SLC5A10: variants seen among roughly 807,000 people sequenced by gnomAD.
The protein encoded by SLC5A10 is solute carrier family 5 member 10.
SLC5A10 carries 55 observed loss-of-function variants against 68.9 expected under a neutral mutation model. The ratio of observed to expected loss-of-function variants is 0.80; its 90% CI spans 0.64 to 1.00. The LOEUF is 1.00. SLC5A10 is among the 50% of genes least tolerant of loss of function. SLC5A10 has a pLI of 0.00. For synonymous variants in SLC5A10, 344 were observed against 344.8 expected (o/e 1.00, Z 0.02); for missense variants, 732 against 819.3 (o/e 0.89, Z 1.30).
At chr17:18,988,264 G>T in intron 9 of SLC5A10, 1 of 1,610,092 alleles carries the variant, frequency 6.2e-7, no homozygotes, top group Non-Finnish European at 8.5e-7. Flanking sequence ...TGCCCCAGGT[G>T]CATGCAGGCC....
Position 19,015,122 on chromosome 17 carries a change from C to G in SLC5A10, c.1164C>G (p.Ser388Arg). The G allele has an allele frequency of 6.2e-7, 1 of 1,602,370 alleles. No individual in the cohort carries two copies. Among genetic ancestry groups the G allele is most frequent in the African/African-American group, 1.3e-5 (1 of 74,486 alleles). Residue 388 changes from serine to arginine, a missense_variant, in exon 11 of 15, where the codon AGC becomes AGG. Physicochemically the swap from Ser to Arg is moderately radical, Grantham distance 110. Transcript: ENST00000395645. ...MSSLTSIFNSSSTLFTMDIWR... is the reference protein window; with the variant it reads ...MSSLTSIFNSRSTLFTMDIWR... ...CGCTGACCTCCATCTTCAACAGCAG[C>G]AGCACCCTCTTCACTATGGACATCT...
chr17:18,965,306 G>A (rs1012356034), intron 5 of SLC5A10, among the ~76,000 whole-genome samples: 1 of 152,112 alleles, frequency 6.6e-6, no homozygotes, highest in African/African-American at 2.4e-5. Context: ...GGACGGTGAT[G>A]GCCTCCATGG....
At chr17:19,008,865 T>C (rs1370331856) in intron 9 of SLC5A10, among the ~76,000 whole-genome samples, 1 of 149,910 alleles carries the variant, frequency 6.7e-6, no homozygotes, top group African/African-American at 2.5e-5. Context: ...CAGGCTGGAG[T>C]GCAATGGCCT....
At chr17:18,960,900 C>T (rs1359678309) in intron 5 of SLC5A10, among the ~76,000 whole-genome samples, 1 of 152,168 alleles carries the variant, frequency 6.6e-6, no homozygotes, top group African/African-American at 2.4e-5. Context: ...GTGACCTCTG[C>T]TTTGCCTCAG....
In SLC5A10 at chr17:19,003,876, G is replaced by C; in HGVS notation, c.983-9534G>C. 6.2e-7 allele frequency: 1 copy of C among 1,613,064 alleles called. No individual in the cohort carries two copies. The highest frequency in any genetic ancestry group is 8.5e-7 in the Non-Finnish European group (1 of 1,179,942). ...AGCTCCAGCTCCGAGAGGAAGTCTC[G>C]GATGTTCTCCCGCTTGAGCACCTCG... is the stretch of plus-strand genomic sequence containing the variant. On this transcript the variant is annotated intron_variant, in intron 9 of 14. Transcript: ENST00000395645. This position sits in a 1 kb window ranked among gnomAD's most constrained non-coding sequence, Gnocchi z 4.5.
intron 9 of SLC5A10, among the ~76,000 whole-genome samples, chr17:18,999,683 G>A (rs2152140017): frequency 6.6e-6 from 1 of 152,378 alleles, no homozygotes; most frequent in East Asian, 1.9e-4. Context: ...CAGGACTTCA[G>A]TGTGTGAAGG....
intron 9 of SLC5A10, among the ~76,000 whole-genome samples, chr17:18,999,703 G>A (rs2043678145): frequency 6.6e-6 from 1 of 152,212 alleles, no homozygotes; most frequent in Non-Finnish European, 1.5e-5. Context: ...GCGGGGGCCT[G>A]ACAGAAAAAA....
intron 5 of SLC5A10, among the ~76,000 whole-genome samples, chr17:18,965,080 GTTT>G (rs11305580): frequency 6.9e-6 from 1 of 144,152 alleles, no homozygotes; most frequent in Non-Finnish European, 1.5e-5. Context: ...GGAGGCAGAG[GTTT>G]TTTTAAAAAA....
In SLC5A10 at chr17:18,971,035, C is replaced by G. The variant is rs746717664; in HGVS notation, c.663C>G (p.Tyr221Ter). The G allele has an allele frequency of 2.5e-6, 4 of 1,613,944 alleles. No individual in the cohort carries two copies. The East Asian group carries it at 6.7e-5, about 27-fold the overall frequency. The stretch of plus-strand genomic sequence containing the variant: ...CAGCTTTTGACCAGATCGGTGGTTA[C>G]GGGCAGCTGGAGGCAGCCTACGCCC... The part of the protein sequence containing the change: ...TIKAFDQIGG[Y>*]GQLEAAYAQA... Residue 221 changes from tyrosine to a stop codon, truncating the protein, a stop_gained, in exon 8 of 15, where the codon TAC (tyrosine) becomes TAG (stop). Coordinates refer to ENST00000395645, the MANE Select transcript of SLC5A10 (RefSeq NM_001042450.4). LOFTEE classifies it high-confidence loss of function. The surrounding 1 kb of genome is among the most constrained non-coding windows in gnomAD (Gnocchi z 5.5).
intron 9 of SLC5A10, among the ~76,000 whole-genome samples, chr17:19,011,833 C>A (rs2044021511): frequency 6.6e-6 from 1 of 151,314 alleles, no homozygotes; most frequent in African/African-American, 2.4e-5. Flanking sequence ...GGGACACTGC[C>A]CCAGGCCAGC....
intron 1 of SLC5A10, among the ~76,000 whole-genome samples, chr17:18,957,622 C>G (rs8064437): frequency 0.017 from 2,602 of 152,160 alleles, 70 homozygotes; most frequent in African/African-American, 0.059. Context: ...CCTGCCACCA[C>G]GCCCAGCTAA....
At chr17:18,985,342 G>A (rs993229663) in intron 9 of SLC5A10, among the ~76,000 whole-genome samples, 1 of 152,192 alleles carries the variant, frequency 6.6e-6, no homozygotes, top group Admixed American at 6.5e-5. Context: ...CATGCAGGTG[G>A]CACAGCTGGG....
At chr17:18,976,796 A>C in intron 8 of SLC5A10, 58 bp from the exon 9 acceptor site, 1 of 1,598,134 alleles carries the variant, frequency 6.3e-7, no homozygotes, top group East Asian at 2.2e-5. Flanking sequence ...CCAAGGACCA[A>C]TCCTGACACA....
intron 7 of SLC5A10, chr17:18,970,235 A>G (rs959025850): frequency 6.6e-6 from 1 of 152,262 alleles, no homozygotes; most frequent in East Asian, 1.9e-4. Context: ...CCTGGGGTGG[A>G]AACGGGTTTT....
chr17:19,006,077 C>G (rs2043881839), intron 9 of SLC5A10, among the ~76,000 whole-genome samples: 1 of 152,200 alleles, frequency 6.6e-6, no homozygotes, highest in East Asian at 1.9e-4. Flanking sequence ...ACTCCCACCT[C>G]CACCACCCCA....
intron 1 of SLC5A10, 152 bp downstream of exon 1, chr17:18,952,468 C>A: frequency 1.1e-6 from 1 of 933,522 alleles, no homozygotes; most frequent in Non-Finnish European, 1.6e-6. Flanking sequence ...CTGGGGTAGA[C>A]TTGCTTGGAG....
At chr17:18,970,865 ACCTT>A in intron 7 of SLC5A10, 144 bp from the exon 8 acceptor site, 3 of 672,650 alleles carry the variant, frequency 4.5e-6, no homozygotes, top group Non-Finnish European at 7.7e-6. Context: ...CTACCCTCAC[ACCTT>A]TCCAAACACT....
At chr17:18,985,097 G>A (rs2043236300) in intron 9 of SLC5A10, among the ~76,000 whole-genome samples, 1 of 152,216 alleles carries the variant, frequency 6.6e-6, no homozygotes, top group Non-Finnish European at 1.5e-5. Flanking sequence ...GCCAGACCCT[G>A]GCGCAGAGGG....
At chr17:18,985,677 C>T (rs545582444) in intron 9 of SLC5A10, among the ~76,000 whole-genome samples, 11 of 152,226 alleles carry the variant, frequency 7.2e-5, no homozygotes, top group African/African-American at 2.7e-4. Flanking sequence ...GAAGGGCAAG[C>T]TCAGAGGCGA....
Sources: gnomAD v4.1 joint callset for allele counts (sites outside exome capture counted in the v4.1 genomes callset) on GRCh38, gnomAD v4.1.1 for gene constraint, Gnocchi (gnomAD v3.1) non-coding constraint, MANE v1.5 for transcripts, NCBI Gene and HGNC (gene_info 2026-07-23, HGNC 2026-07-21) for gene names.